KBTBD12: variants seen among roughly 807,000 people sequenced by gnomAD.
KBTBD12 encodes kelch repeat and BTB domain containing 12.
Under a neutral mutation model 58.7 loss-of-function variants are expected in KBTBD12, and 53 were observed. That is an observed-to-expected ratio of 0.90 (90% confidence interval 0.72 to 1.14). The LOEUF (loss-of-function observed/expected upper bound fraction) is 1.14, where lower values mean the gene tolerates loss of function less well. Among genes scored for constraint, KBTBD12 ranks in the 50% most tolerant of loss-of-function variants. KBTBD12 has a pLI of 0.00. For missense variants in KBTBD12, 704 were observed against 751.3 expected (o/e 0.94, Z 0.74); for synonymous variants, 236 against 259.8 (o/e 0.91, Z 0.88).
Position 127,984,572 on chromosome 3 carries a change from G to A in KBTBD12, c.*294G>A. The A allele has an allele frequency of 3.8e-6, 1 of 266,496 alleles. No individual in the cohort carries two copies. The highest frequency in any genetic ancestry group is 8.1e-5 in the East Asian group (1 of 12,326). The allele number at this position is 266,496 out of a possible 1,614,324, so 16.5% of individuals were successfully genotyped here. On this transcript the variant is annotated 3_prime_UTR_variant, in exon 6 of 6. Transcript: ENST00000405109. ...GGGTCTCACTCTGCTGGGGACCCAT[G>A]AACAGCACTGCCAAGGAGCAGACCT...
chr3:127,926,365 T>TA (rs1939567671), intron 2 of KBTBD12, among the ~76,000 whole-genome samples: 1 of 152,238 alleles, frequency 6.6e-6, no homozygotes, highest in Non-Finnish European at 1.5e-5. Flanking sequence ...CAGTTGGCTT[T>TA]ACTTTGGTAG....
intron 4 of KBTBD12, among the ~76,000 whole-genome samples, chr3:127,958,245 C>T (rs1020164959): frequency 1.3e-5 from 2 of 152,060 alleles, no homozygotes; most frequent in Non-Finnish European, 2.9e-5. Flanking sequence ...TCAGCAGAGT[C>T]GGTGACTGCT....
chr3:127,963,490 TGCAAAAGCATG>T lies in KBTBD12; in HGVS notation c.1690+107_1690+117del, dbSNP rs1261679432. 3 of 1,089,618 alleles carry T rather than the reference TGCAAAAGCATG, an allele frequency of 2.8e-6. No individual in the cohort carries two copies. In the East Asian group the frequency reaches 7.9e-5, roughly 29 times the overall value. 67.5% of individuals were successfully genotyped at this position (1,089,618 alleles called of 1,614,324 possible). A position where few individuals can be genotyped will look rare whatever the true frequency, so the allele number is the denominator to read the frequency against. Reference sequence around the variant, plus strand: ...ATATTCCTGAGAGCAACGTGAGCACTGCAAAAGCATGGCTTTTAGAGTCAGGGACCCTGTGC... The same window carrying T: ...ATATTCCTGAGAGCAACGTGAGCACTGCTTTTAGAGTCAGGGACCCTGTGC... On this transcript the variant is annotated intron_variant, in intron 5 of 5. Transcript: ENST00000405109.
chr3:127,937,152 T>C (rs1366900954), intron 4 of KBTBD12, among the ~76,000 whole-genome samples: 1 of 144,824 alleles, frequency 6.9e-6, no homozygotes, highest in African/African-American at 2.6e-5. Flanking sequence ...GAGCAAGAAC[T>C]GGTGGAAATA....
rs1025725749 is a variant in KBTBD12 at position 127,985,739 on chromosome 3, C to G, written c.*1461C>G. ...CCAGCGTAGGTTGGCCCCAAGTAGG[C>G]TCAACTCGGGAGGGTGGGGGTCCCG... On this transcript the variant is annotated 3_prime_UTR_variant, in exon 6 of 6. Coordinates refer to ENST00000405109, the MANE Select transcript of KBTBD12 (RefSeq NM_207335.4). The G allele has an allele frequency of 6.6e-6, 1 of 152,282 alleles. No individual in the cohort carries two copies. The highest frequency in any genetic ancestry group is 2.4e-5 in the African/African-American group (1 of 41,458). 9.4% of individuals were successfully genotyped at this position (152,282 alleles called of 1,614,324 possible). A position where few individuals can be genotyped will look rare whatever the true frequency, so the allele number is the denominator to read the frequency against.
At chr3:127,924,466 A>G (rs1939516750) in intron 2 of KBTBD12, among the ~76,000 whole-genome samples, 1 of 151,292 alleles carries the variant, frequency 6.6e-6, no homozygotes, top group South Asian at 2.1e-4. Context: ...CTTTGTTAAC[A>G]TATAGTTGAA....
intron 4 of KBTBD12, among the ~76,000 whole-genome samples, chr3:127,932,866 G>T (rs1003724669): frequency 1.3e-5 from 2 of 152,076 alleles, no homozygotes; most frequent in Non-Finnish European, 2.9e-5. Flanking sequence ...TTTGCTTAAA[G>T]TTTCACTTAA....
intron 5 of KBTBD12, among the ~76,000 whole-genome samples, chr3:127,971,241 T>C (rs992840045): frequency 3.9e-5 from 6 of 152,292 alleles, no homozygotes; most frequent in African/African-American, 1.4e-4. Context: ...CTTAGGTACC[T>C]GCAAAAGATT....
chr3:127,926,189 T>C (rs6792916), intron 2 of KBTBD12, among the ~76,000 whole-genome samples: 14 of 152,128 alleles, frequency 9.2e-5, no homozygotes, highest in Non-Finnish European at 1.6e-4. Context: ...GTATTTTCTC[T>C]CCCTGTTTCA....
intron 5 of KBTBD12, among the ~76,000 whole-genome samples, chr3:127,964,032 C>T (rs1267340479): frequency 6.6e-6 from 1 of 151,946 alleles, no homozygotes; most frequent in African/African-American, 2.4e-5. Context: ...CTGCATTCTA[C>T]AGTATGGATT....
intron 4 of KBTBD12, among the ~76,000 whole-genome samples, chr3:127,948,670 T>A (rs1450715072): frequency 6.6e-6 from 1 of 152,194 alleles, no homozygotes; most frequent in Admixed American, 6.5e-5. Flanking sequence ...TGAGAATCCC[T>A]GGTGTACCGG....
intron 5 of KBTBD12, among the ~76,000 whole-genome samples, chr3:127,966,416 G>A (rs1393265097): frequency 6.6e-6 from 1 of 152,220 alleles, no homozygotes; most frequent in East Asian, 1.9e-4. Flanking sequence ...GGAAACAGAG[G>A]CTATGCCAGG....
rs772236268 is a variant in KBTBD12, at chr3:127,924,156, T to G, written c.1070+25T>G. Reference sequence around the variant, plus strand: ...GGTTTGTATCTAGCAGCAAATTTGCTTAATTATTTTGTTTTGATACTAGCA... The same window carrying G: ...GGTTTGTATCTAGCAGCAAATTTGCGTAATTATTTTGTTTTGATACTAGCA... On this transcript the variant is annotated intron_variant, in intron 2 of 5. Transcript: ENST00000405109. 12 of 1,485,124 alleles carry G rather than the reference T, an allele frequency of 8.1e-6. No individual in the cohort carries two copies. The South Asian group carries it at 1.3e-4, about 17-fold the overall frequency. 92.0% of individuals were successfully genotyped at this position (1,485,124 alleles called of 1,614,324 possible).
At chr3:127,971,968 G>T (rs1014107693) in intron 5 of KBTBD12, among the ~76,000 whole-genome samples, 2 of 152,124 alleles carry the variant, frequency 1.3e-5, no homozygotes, top group Non-Finnish European at 2.9e-5. Flanking sequence ...TAGTCTTGTG[G>T]CACAGTCTTA....
At chr3:127,920,609 A>T (rs1229270347) in intron 1 of KBTBD12, among the ~76,000 whole-genome samples, 1 of 152,148 alleles carries the variant, frequency 6.6e-6, no homozygotes, top group Non-Finnish European at 1.5e-5. Context: ...CAACTTAAGC[A>T]GTAAAAATAA....
In KBTBD12 at chr3:127,927,068, A is replaced by C. The variant is rs1939588646; in HGVS notation, c.1071-696A>C. ...ATCAGTTAATGTGTTGGACTCTAGA[A>C]GGCATTGAGAGACCATATATACTAA... is the stretch of plus-strand genomic sequence containing the variant. On this transcript the variant is annotated intron_variant, in intron 2 of 5. Transcript: ENST00000405109. Among the ~76,000 whole-genome samples the C allele has an allele frequency of 2.0e-5, 3 of 152,146 alleles. No individual in the cohort carries two copies. In the South Asian group the frequency reaches 6.2e-4, roughly 32 times the overall value.
chr3:127,972,815 T>A lies in KBTBD12; in HGVS notation c.1690+9429T>A, dbSNP rs115329480. Among the ~76,000 whole-genome samples the A allele has an allele frequency of 8.3e-3, 1,263 of 152,316 alleles. 13 individuals are homozygous for A. The highest frequency in any genetic ancestry group is 0.027 in the African/African-American group (1,134 of 41,560). ...AAACATCAAAAATCGTAATTGACTA[T>A]AATTGACTGAAACACATTGAATCAA... On this transcript the variant is annotated intron_variant, in intron 5 of 5. Coordinates refer to ENST00000405109, the MANE Select transcript of KBTBD12 (RefSeq NM_207335.4).
At chr3:127,945,473 C>T (rs1190599805) in intron 4 of KBTBD12, among the ~76,000 whole-genome samples, 4 of 151,562 alleles carry the variant, frequency 2.6e-5, no homozygotes. Flanking sequence ...CATGAGCCAC[C>T]GCGCCCGGCC....
chr3:127,948,770 G>C (rs566358799), intron 4 of KBTBD12, among the ~76,000 whole-genome samples: 1 of 152,282 alleles, frequency 6.6e-6, no homozygotes, highest in South Asian at 2.1e-4. Flanking sequence ...AGTCACGTTT[G>C]TTAGATCCAT....
Sources: gnomAD v4.1 joint callset for allele counts (sites outside exome capture counted in the v4.1 genomes callset) on GRCh38, gnomAD v4.1.1 for gene constraint, MANE v1.5 for transcripts, NCBI Gene and HGNC (gene_info 2026-07-23, HGNC 2026-07-21) for gene names.